The following PTPRA variants were observed in gnomAD, a reference collection of about 807,000 sequenced individuals.
PTPRA encodes the protein protein tyrosine phosphatase receptor type A.
Under a neutral mutation model 104.8 loss-of-function variants are expected in PTPRA, and 25 were observed. That is an observed-to-expected ratio of 0.24 (90% CI 0.17 to 0.33). The LOEUF is 0.33. Ranked by LOEUF, PTPRA falls within the 10% of genes least tolerant of loss-of-function variation. PTPRA has a pLI of 1.00. For missense variants in PTPRA, 765 were observed against 1,015.3 expected, an observed-to-expected ratio of 0.75 and a Z score of 3.35; for synonymous variants, 323 against 368.9, an observed-to-expected ratio of 0.88 and a Z score of 1.43.
At chr20:2,991,144 A>G (rs1163394846) in intron 9 of PTPRA, among the ~76,000 whole-genome samples, 1 of 152,166 alleles carries the variant, frequency 6.6e-6, no homozygotes, top group African/African-American at 2.4e-5. Flanking sequence ...ACCTGAAGCC[A>G]GGAGTTCAAG....
chr20:2,887,428 GTGA>G (rs1199492897), intron 1 of PTPRA, among the ~76,000 whole-genome samples: 1 of 152,166 alleles, frequency 6.6e-6, no homozygotes, highest in Non-Finnish European at 1.5e-5. Flanking sequence ...AATGTGGCCA[GTGA>G]TGATGGTGTT....
At chr20:2,955,759 T>C (rs2147846497) in intron 3 of PTPRA, 1 of 805,758 alleles carries the variant, frequency 1.2e-6, no homozygotes, top group Non-Finnish European at 1.5e-6. Context: ...GTTTCTCAGA[T>C]GTCTGCTGCC....
chr20:3,012,885 T>C (rs540975574), intron 11 of PTPRA, among the ~76,000 whole-genome samples: 7 of 152,344 alleles, frequency 4.6e-5, no homozygotes, highest in Admixed American at 3.9e-4. Flanking sequence ...TACCAAGTTA[T>C]GCAGCCATCA....
intron 1 of PTPRA, among the ~76,000 whole-genome samples, chr20:2,921,627 G>C (rs2060100211): frequency 6.6e-6 from 1 of 152,110 alleles, no homozygotes; most frequent in Admixed American, 6.6e-5. Context: ...TCCATTCAGT[G>C]TGAACGTGAA....
At chr20:3,007,470 T>C in intron 11 of PTPRA, 50 bp downstream of exon 11, 1 of 1,528,780 alleles carries the variant, frequency 6.5e-7, no homozygotes, top group Non-Finnish European at 9.1e-7. Flanking sequence ...CCATTGCCAC[T>C]ATCTGTTGGC....
intron 16 of PTPRA, among the ~76,000 whole-genome samples, chr20:3,023,717 A>G (rs2064999333): frequency 1.3e-5 from 2 of 152,224 alleles, no homozygotes; most frequent in Admixed American, 1.3e-4. Flanking sequence ...GATAGTGATC[A>G]ATAAATACTG....
intron 5 of PTPRA, among the ~76,000 whole-genome samples, chr20:2,967,166 C>T (rs192204874): frequency 1.3e-5 from 2 of 152,258 alleles, no homozygotes; most frequent in Admixed American, 6.5e-5. Flanking sequence ...CTCACTTTTG[C>T]GGTCTTTCCA....
At chr20:2,865,252 C>T in the PTPRA span, 4 of 1,614,188 alleles carry the variant, frequency 2.5e-6, no homozygotes, top group Non-Finnish European at 3.4e-6. The surrounding 1 kb of genome is among the most constrained non-coding windows in gnomAD (Gnocchi z 5.2). Flanking sequence ...TTACCACCCT[C>T]ATTCTTGGCG....
intron 7 of PTPRA, among the ~76,000 whole-genome samples, chr20:2,987,324 T>G (rs1356783166): frequency 6.6e-6 from 1 of 151,842 alleles, no homozygotes; most frequent in Non-Finnish European, 1.5e-5. Context: ...GCCATGTGAG[T>G]TGTGAGTTAC....
At chr20:2,909,042 C>T (rs1337618331) in intron 1 of PTPRA, among the ~76,000 whole-genome samples, 1 of 152,132 alleles carries the variant, frequency 6.6e-6, no homozygotes, top group Non-Finnish European at 1.5e-5. Context: ...AGTACAGTGG[C>T]TGATTACCAA....
intron 3 of PTPRA, chr20:2,955,730 A>T: frequency 2.2e-6 from 2 of 918,492 alleles, no homozygotes; most frequent in Non-Finnish European, 2.6e-6. Context: ...ATCAGCACCC[A>T]CCTACTCCTG....
Position 2,923,234 on chromosome 20 carries a change from A to G in PTPRA, c.-101A>G, listed in dbSNP as rs754952956. 7 of 1,265,988 alleles carry G rather than the reference A, an allele frequency of 5.5e-6. No homozygotes were observed. Among genetic ancestry groups the G allele is most frequent in the Non-Finnish European group, 6.1e-6 (6 of 976,474 alleles). 78.4% of individuals were successfully genotyped at this position (1,265,988 alleles called of 1,614,324 possible). ...GACACAACTAAAAAAAAACAAAGGT[A>G]TTTATGGAATTCCACTGAGTGGTAA... On this transcript the variant is annotated 5_prime_UTR_variant, in exon 2 of 24. Transcript: ENST00000399903.
chr20:2,879,615 T>C (rs2089937995), intron 1 of PTPRA, among the ~76,000 whole-genome samples: 1 of 152,156 alleles, frequency 6.6e-6, no homozygotes, highest in South Asian at 2.1e-4. Context: ...GGCCTGAGAA[T>C]GTGTATACAG....
chr20:2,989,669 T>TGC (rs1277720143), intron 9 of PTPRA, among the ~76,000 whole-genome samples: 2 of 152,160 alleles, frequency 1.3e-5, no homozygotes, highest in Admixed American at 1.3e-4. Context: ...CCACAGACCT[T>TGC]GCAGATAGTC....
chr20:3,033,482 C>T (rs542645676), intron 20 of PTPRA, among the ~76,000 whole-genome samples: 12 of 152,120 alleles, frequency 7.9e-5, no homozygotes, highest in African/African-American at 2.4e-4. Context: ...GACTCATATG[C>T]GCAGCCTCGT....
At chr20:2,936,305 T>C (rs1200181528) in intron 2 of PTPRA, among the ~76,000 whole-genome samples, 4 of 152,196 alleles carry the variant, frequency 2.6e-5, no homozygotes, top group Admixed American at 6.5e-5. Flanking sequence ...AAGTTTCTTA[T>C]AGATAGCATA....
intron 3 of PTPRA, among the ~76,000 whole-genome samples, chr20:2,953,814 G>A (rs938977890): frequency 2.0e-5 from 3 of 151,670 alleles, no homozygotes; most frequent in African/African-American, 7.3e-5. Context: ...CACTGTGTTG[G>A]CCAGGCTGGT....
chr20:2,904,083 A>T (rs1350620198), intron 1 of PTPRA, among the ~76,000 whole-genome samples: 2 of 151,508 alleles, frequency 1.3e-5, no homozygotes, highest in African/African-American at 2.4e-5. Context: ...ATTTTTATTT[A>T]TTTTTTTGTG....
chr20:3,015,992 T>C (rs1165962007), intron 12 of PTPRA, 107 bp downstream of exon 12: 14 of 1,123,834 alleles, frequency 1.2e-5, no homozygotes, highest in Non-Finnish European at 1.8e-5. Context: ...CTGTAGCTTT[T>C]CTGTACTTTT....
Sources: gnomAD v4.1 joint callset for allele counts (sites outside exome capture counted in the v4.1 genomes callset) on GRCh38, gnomAD v4.1.1 for gene constraint, Gnocchi (gnomAD v3.1) non-coding constraint, MANE v1.5 for transcripts, NCBI Gene and HGNC (gene_info 2026-07-23, HGNC 2026-07-21) for gene names.